SLC14A2: variants seen among roughly 807,000 people sequenced by gnomAD.
The protein encoded by SLC14A2 is solute carrier family 14 member 2.
Under a neutral mutation model 104.6 loss-of-function variants are expected in SLC14A2, and 91 were observed. That is an observed-to-expected ratio of 0.87 (90% CI 0.73 to 1.04). The LOEUF (loss-of-function observed/expected upper bound fraction) is 1.04, where lower values mean the gene tolerates loss of function less well. SLC14A2 is among the 50% of genes least tolerant of loss of function. The pLI is 0.00. For synonymous variants in SLC14A2, 476 were observed against 466.4 expected (o/e 1.02, Z -0.27); for missense variants, 1,189 against 1,156.0 (o/e 1.03, Z -0.41).
intron 1 of SLC14A2, among the ~76,000 whole-genome samples, chr18:45,379,968 C>G (rs2085816555): frequency 6.6e-6 from 1 of 152,204 alleles, no homozygotes; most frequent in Non-Finnish European, 1.5e-5. Flanking sequence ...CCCCACCTTC[C>G]TCGCCAGAGT....
intron 10 of SLC14A2, among the ~76,000 whole-genome samples, chr18:45,655,101 C>T (rs2045810300): frequency 6.6e-6 from 1 of 152,228 alleles, no homozygotes; most frequent in Non-Finnish European, 1.5e-5. Context: ...CCAGTGTCCA[C>T]AAATGTCTTA....
intron 2 of SLC14A2, among the ~76,000 whole-genome samples, chr18:45,597,121 C>T (rs974821840): frequency 1.3e-5 from 2 of 152,222 alleles, no homozygotes; most frequent in South Asian, 2.1e-4. Flanking sequence ...AGTTCGAGAC[C>T]AGCCTGGCCA....
In SLC14A2 at chr18:45,236,312, T is replaced by C. The variant is rs1434951696; in HGVS notation, c.-125+23121T>C. Reference sequence around the variant, plus strand: ...ATATATACATGTATGTGTGTATATGTGTATATATACATGTATGTGTGTATA... The same window carrying C: ...ATATATACATGTATGTGTGTATATGCGTATATATACATGTATGTGTGTATA... On this transcript the variant is annotated intron_variant, in intron 1 of 20. Transcript: ENST00000586448. Among the ~76,000 whole-genome samples the C allele has an allele frequency of 5.6e-5, 3 of 53,730 alleles. 1 individual carries two copies. Among genetic ancestry groups the C allele is most frequent in the African/African-American group, 3.3e-4 (3 of 9,186 alleles). The allele number at this position is 53,730 out of a possible 152,430, so 35.2% of individuals were successfully genotyped here.
chr18:45,457,375 C>A (rs1442721910), intron 1 of SLC14A2, among the ~76,000 whole-genome samples: 1 of 152,094 alleles, frequency 6.6e-6, no homozygotes, highest in Admixed American at 6.5e-5. Flanking sequence ...AGAGAAGCAA[C>A]ATGCAGGGGG....
At chr18:45,210,355 G>A (rs1023679006), upstream of SLC14A2, among the ~76,000 whole-genome samples, 9 of 152,194 alleles carry the variant, frequency 5.9e-5, no homozygotes, top group African/African-American at 2.2e-4. Context: ...CACTTTGGGA[G>A]GACTGCCTGA....
At chr18:45,649,950 G>A (rs900117359) in intron 10 of SLC14A2, among the ~76,000 whole-genome samples, 10 of 152,218 alleles carry the variant, frequency 6.6e-5, no homozygotes, top group African/African-American at 2.4e-4. Flanking sequence ...CATCAATCCT[G>A]CCTCTTAATC....
intron 6 of SLC14A2, among the ~76,000 whole-genome samples, chr18:45,637,554 G>A (rs2045440416): frequency 1.3e-5 from 2 of 152,198 alleles, no homozygotes; most frequent in African/African-American, 4.8e-5. Context: ...CAGATAAAGG[G>A]GCAAGATACT....
intron 1 of SLC14A2, among the ~76,000 whole-genome samples, chr18:45,375,066 T>C (rs1024275490): frequency 6.6e-6 from 1 of 152,156 alleles, no homozygotes; most frequent in African/African-American, 2.4e-5. Context: ...CCTAACCAAC[T>C]CCATCTTGCT....
chr18:45,682,569 T>C lies in SLC14A2; in HGVS notation c.*50T>C. On this transcript the variant is annotated 3_prime_UTR_variant, in exon 20 of 20. Coordinates refer to ENST00000255226, the MANE Select transcript of SLC14A2 (RefSeq NM_007163.4). The stretch of plus-strand genomic sequence containing the variant: ...TGTAAATTCAGGCTTCAGCACGCCG[T>C]CCAGATCCCCAGGATAAGAGACCAC... 1 of 1,466,862 alleles carries C rather than the reference T, an allele frequency of 6.8e-7. No homozygotes were observed. Among genetic ancestry groups the C allele is most frequent in the Non-Finnish European group, 9.6e-7 (1 of 1,046,132 alleles). 90.9% of individuals were successfully genotyped at this position (1,466,862 alleles called of 1,614,324 possible).
upstream of SLC14A2, among the ~76,000 whole-genome samples, chr18:45,611,812 G>C (rs139182768): frequency 3.3e-5 from 5 of 152,156 alleles, no homozygotes; most frequent in Non-Finnish European, 5.9e-5. Context: ...AAAACAAGAA[G>C]AAGAGCACCA....
chr18:45,350,150 AG>A (rs2085488181), intron 1 of SLC14A2, among the ~76,000 whole-genome samples: 1 of 152,258 alleles, frequency 6.6e-6, no homozygotes, highest in African/African-American at 2.4e-5. Context: ...AGTTCAGGGC[AG>A]GGAGCATTTC....
At chr18:45,541,473 G>A (rs2043882664) in intron 2 of SLC14A2, among the ~76,000 whole-genome samples, 1 of 152,252 alleles carries the variant, frequency 6.6e-6, no homozygotes, top group African/African-American at 2.4e-5. Context: ...TTGCTGCTCA[G>A]GTAAAAGGCA....
At chr18:45,430,827 A>C (rs904239732) in intron 1 of SLC14A2, among the ~76,000 whole-genome samples, 2 of 152,116 alleles carry the variant, frequency 1.3e-5, no homozygotes, top group Non-Finnish European at 2.9e-5. Context: ...CATGGTGGGA[A>C]GAAGGGAGTC....
intron 2 of SLC14A2, among the ~76,000 whole-genome samples, chr18:45,520,355 C>T (rs956230092): frequency 2.0e-5 from 3 of 152,094 alleles, no homozygotes; most frequent in Admixed American, 6.5e-5. Context: ...GGCAGATCAC[C>T]TGATGGAGAC....
chr18:45,203,972 G>A, the SLC14A2 span, among the ~76,000 whole-genome samples: 4 of 152,264 alleles, frequency 2.6e-5, no homozygotes, highest in Middle Eastern at 3.4e-3. Flanking sequence ...TCAGTTTTAC[G>A]GAGCTTGAAG....
At chr18:45,249,396 T>G (rs2084399613) in intron 1 of SLC14A2, among the ~76,000 whole-genome samples, 1 of 152,038 alleles carries the variant, frequency 6.6e-6, no homozygotes, top group African/African-American at 2.4e-5. Context: ...TCTGGGTTTG[T>G]GCTATTTACT....
At chr18:45,584,013 T>A (rs1313720892) in intron 2 of SLC14A2, among the ~76,000 whole-genome samples, 1 of 152,364 alleles carries the variant, frequency 6.6e-6, no homozygotes, top group Admixed American at 6.5e-5. Flanking sequence ...ATTTTTAAAA[T>A]TATTACTGAG....
intron 1 of SLC14A2, among the ~76,000 whole-genome samples, chr18:45,457,817 C>A (rs928187379): frequency 6.6e-6 from 1 of 152,046 alleles, no homozygotes. Context: ...CCTAATTGTG[C>A]GTCTGTCTAA....
chr18:45,426,511 C>G (rs922477061), intron 1 of SLC14A2, among the ~76,000 whole-genome samples: 1 of 151,072 alleles, frequency 6.6e-6, no homozygotes. Flanking sequence ...TGTTTTATCC[C>G]TGATAACACA....
Sources: gnomAD v4.1 joint callset for allele counts (sites outside exome capture counted in the v4.1 genomes callset) on GRCh38, gnomAD v4.1.1 for gene constraint, MANE v1.5 for transcripts, NCBI Gene and HGNC (gene_info 2026-07-23, HGNC 2026-07-21) for gene names.